UNC13C: variants seen among roughly 807,000 people sequenced by gnomAD.
UNC13C encodes the protein unc-13 homolog C, also known as protein unc-13 homolog C.
In UNC13C, 174 loss-of-function variants were observed where a neutral mutation model predicts 245.4. The observed-to-expected ratio is 0.71, with a 90% confidence interval of 0.63 to 0.80. The LOEUF (loss-of-function observed/expected upper bound fraction) is 0.80. Ranked by LOEUF, UNC13C falls within the 30% of genes least tolerant of loss-of-function variation. The pLI is 0.00. For synonymous variants in UNC13C, 992 were observed against 895.1 expected, an observed-to-expected ratio of 1.11 and a Z score of -1.93; for missense variants, 2,829 against 2,602.9, an observed-to-expected ratio of 1.09 and a Z score of -1.89.
At chr15:54,062,310 T>G in intron 2 of UNC13C, among the ~76,000 whole-genome samples, 1 of 137,842 alleles carries the variant, frequency 7.3e-6, no homozygotes. Flanking sequence ...ATAACAAGAG[T>G]GAAACTCAGT....
intron 17 of UNC13C, among the ~76,000 whole-genome samples, chr15:54,382,634 C>T (rs1481192049): frequency 6.6e-6 from 1 of 151,478 alleles, no homozygotes; most frequent in East Asian, 1.9e-4. Flanking sequence ...CAAATAGTCT[C>T]ATTGTACACT....
intron 19 of UNC13C, among the ~76,000 whole-genome samples, chr15:54,423,080 CTG>C (rs1027013850): frequency 6.6e-6 from 1 of 151,370 alleles, no homozygotes; most frequent in African/African-American, 2.4e-5. Flanking sequence ...TTATATATAT[CTG>C]TATATACATG....
At chr15:54,534,394 C>G (rs1434823945) in intron 26 of UNC13C, among the ~76,000 whole-genome samples, 1 of 152,096 alleles carries the variant, frequency 6.6e-6, no homozygotes, top group Non-Finnish European at 1.5e-5. Context: ...ATCCTCAAAG[C>G]CTCAAAGGCA....
chr15:54,002,173 C>G (rs1319882333), intron 1 of UNC13C, among the ~76,000 whole-genome samples: 1 of 152,136 alleles, frequency 6.6e-6, no homozygotes, highest in Admixed American at 6.5e-5. Context: ...GTAGTCCCAG[C>G]TACTCGGGAG....
At chr15:54,609,339 G>C (rs139381469) in intron 30 of UNC13C, 1 of 152,238 alleles carries the variant, frequency 6.6e-6, no homozygotes, top group East Asian at 1.9e-4. Context: ...TCTCAACACT[G>C]TTCAGTGACT....
chr15:53,942,165 C>T, the UNC13C span, among the ~76,000 whole-genome samples: 9 of 152,104 alleles, frequency 5.9e-5, no homozygotes, highest in South Asian at 4.2e-4. Flanking sequence ...AAATGCCCTT[C>T]AATGGTAGAC....
chr15:54,588,919 A>G (rs557030224), intron 30 of UNC13C, among the ~76,000 whole-genome samples: 24 of 152,276 alleles, frequency 1.6e-4, no homozygotes, highest in African/African-American at 5.3e-4. Context: ...CAGTTTTGCA[A>G]TTGTGAATTG....
intron 30 of UNC13C, among the ~76,000 whole-genome samples, chr15:54,608,796 C>A (rs899857605): frequency 6.6e-6 from 1 of 152,190 alleles, no homozygotes. Context: ...TCTCTTCTGA[C>A]AAATGTTATT....
At chr15:53,974,311 G>C (rs1893631920), upstream of UNC13C, among the ~76,000 whole-genome samples, 1 of 152,148 alleles carries the variant, frequency 6.6e-6, no homozygotes, top group African/African-American at 2.4e-5. Context: ...ATAGAACAAA[G>C]CTAATTGGCT....
chr15:54,583,562 G>C (rs1028013353), intron 30 of UNC13C, among the ~76,000 whole-genome samples: 3 of 152,138 alleles, frequency 2.0e-5, no homozygotes, highest in Non-Finnish European at 4.4e-5. Flanking sequence ...GCAAACCAAA[G>C]GGGTTATTTC....
At chr15:53,901,551 C>T in the UNC13C span, among the ~76,000 whole-genome samples, 1 of 152,056 alleles carries the variant, frequency 6.6e-6, no homozygotes, top group East Asian at 1.9e-4. Context: ...CTTGGATGTG[C>T]CATAATTTAT....
At chr15:54,088,771 G>A (rs865815136) in intron 2 of UNC13C, among the ~76,000 whole-genome samples, 2 of 152,144 alleles carry the variant, frequency 1.3e-5, no homozygotes, top group African/African-American at 2.4e-5. Flanking sequence ...TTGATGCAGC[G>A]TTCACTTTGG....
intron 4 of UNC13C, among the ~76,000 whole-genome samples, chr15:54,227,909 C>G (rs1215186016): frequency 6.6e-6 from 1 of 152,196 alleles, no homozygotes; most frequent in African/African-American, 2.4e-5. Context: ...GTGGTAAGGC[C>G]AGCCAGGCTT....
At chr15:54,204,010 T>C (rs899011436) in intron 4 of UNC13C, among the ~76,000 whole-genome samples, 4 of 151,524 alleles carry the variant, frequency 2.6e-5, no homozygotes, top group Non-Finnish European at 1.5e-5. Context: ...CTGGTTGGAA[T>C]TGGAGACTAT....
chr15:54,603,719 C>G (rs1899586882), intron 30 of UNC13C, among the ~76,000 whole-genome samples: 1 of 152,048 alleles, frequency 6.6e-6, no homozygotes, highest in Non-Finnish European at 1.5e-5. Context: ...CAAAAATTAG[C>G]CAGGTGTAGT....
chr15:54,585,973 G>A (rs1898467977), intron 30 of UNC13C, among the ~76,000 whole-genome samples: 1 of 152,104 alleles, frequency 6.6e-6, no homozygotes, highest in Non-Finnish European at 1.5e-5. Flanking sequence ...CTTTATAAAA[G>A]GGGGTTGTCT....
At chr15:54,497,083 G>A (rs543404192) in intron 20 of UNC13C, among the ~76,000 whole-genome samples, 1 of 152,240 alleles carries the variant, frequency 6.6e-6, no homozygotes, top group Non-Finnish European at 1.5e-5. Context: ...AAGTAAAACA[G>A]AGGAGCTATT....
chr15:54,480,002 C>T (rs1893013152), intron 19 of UNC13C, among the ~76,000 whole-genome samples: 1 of 152,076 alleles, frequency 6.6e-6, no homozygotes, highest in East Asian at 1.9e-4. Context: ...TCATCCTATT[C>T]TCTCCTGGCC....
At chr15:54,308,443 A>G (rs1435409632) in intron 13 of UNC13C, among the ~76,000 whole-genome samples, 7 of 151,900 alleles carry the variant, frequency 4.6e-5, no homozygotes, top group Middle Eastern at 3.2e-3. Context: ...GTATATATAC[A>G]TTGTAAAATG....
Sources: allele counts gnomAD v4.1 joint callset (sites outside exome capture counted in the v4.1 genomes callset), GRCh38; gene constraint gnomAD v4.1.1; transcripts MANE v1.5; gene names NCBI Gene and HGNC (gene_info 2026-07-23, HGNC 2026-07-21).